The following EYA4 variants were observed in gnomAD, a reference collection of about 807,000 sequenced individuals.
EYA4 encodes the protein protein phosphatase EYA4.
In EYA4, 31 loss-of-function variants were observed where a neutral mutation model predicts 87.9. That is an observed-to-expected ratio of 0.35 (90% CI 0.27 to 0.48). The LOEUF (loss-of-function observed/expected upper bound fraction) is 0.48. Ranked by LOEUF, EYA4 falls within the 20% of genes least tolerant of loss-of-function variation. The pLI is 0.99. For missense variants in EYA4, 678 were observed against 761.4 expected (o/e 0.89, Z 1.29); for synonymous variants, 263 against 270.6 (o/e 0.97, Z 0.28).
At position 133,290,276 on chromosome 6, in the gene EYA4, G is replaced by A. The variant is rs564282330; in HGVS notation, c.33+15463G>A. 2.6e-5 allele frequency among the ~76,000 whole-genome samples: 4 copies of A among 152,230 alleles called. No homozygotes were observed. In the South Asian group the frequency reaches 8.3e-4, roughly 32 times the overall value. ...TGAGAGTTGGCAATTGTAACTGCTG[G>A]ACAGATTTGTTAGAAAAATACCTTA... is the stretch of plus-strand genomic sequence containing the variant. On this transcript the variant is annotated intron_variant, in intron 2 of 19. Transcript: ENST00000355286.
At chr6:133,283,982 T>C (rs2128285901) in intron 2 of EYA4, among the ~76,000 whole-genome samples, 1 of 152,308 alleles carries the variant, frequency 6.6e-6, no homozygotes. Context: ...GATAATGGCC[T>C]TCAGTTCCAT....
rs181196580 is a variant in EYA4, at chr6:133,351,581, G to A, written c.34-30811G>A. Among the ~76,000 whole-genome samples the A allele has an allele frequency of 3.7e-3, 559 of 151,840 alleles. 5 individuals are homozygous for A. The highest frequency in any genetic ancestry group is 0.013 in the African/African-American group (542 of 41,120). ...ACAGTCCAGAAAGCTACTGTAGACA[G>A]ACAGTTGTGATAATAGTGCTGACCT... On this transcript the variant is annotated intron_variant, in intron 2 of 19. Coordinates refer to ENST00000355286, the MANE Select transcript of EYA4 (RefSeq NM_004100.5).
At chr6:133,486,887 G>A (rs180918828) in intron 13 of EYA4, among the ~76,000 whole-genome samples, 2 of 152,326 alleles carry the variant, frequency 1.3e-5, no homozygotes, top group East Asian at 3.9e-4. Flanking sequence ...AATTGAATAA[G>A]TATCCACACA....
chr6:133,423,751 C>A (rs114760271), intron 3 of EYA4, among the ~76,000 whole-genome samples: 2,321 of 152,260 alleles, frequency 0.015, 66 homozygotes, highest in African/African-American at 0.051. Flanking sequence ...AGATAATTAA[C>A]TTATTCATCA....
intron 2 of EYA4, among the ~76,000 whole-genome samples, chr6:133,293,779 A>T (rs1778683758): frequency 6.6e-6 from 1 of 151,368 alleles, no homozygotes; most frequent in Non-Finnish European, 1.5e-5. Context: ...CTACAAAAAC[A>T]TACAAAAATT....
At chr6:133,361,010 C>A (rs75102308) in intron 2 of EYA4, among the ~76,000 whole-genome samples, 1,626 of 152,288 alleles carry the variant, frequency 0.011, 27 homozygotes, top group African/African-American at 0.037. Context: ...GGCAGTTCTC[C>A]ATGGGTCTCT....
rs753705589 is a variant in EYA4 at position 133,462,351 on chromosome 6, C to G, written c.454C>G (p.Leu152Val). ...GATATTTAGGCCCTATCCACACATT[C>G]TTTCTACACCAGCAGCTCAAACAAT... The part of the protein sequence containing the change: ...LYPSKPYPHI[L>V]STPAAQTMSA... Residue 152 changes from leucine to valine, a missense_variant, in exon 8 of 20, where the codon CTT becomes GTT. Leu to Val is a conservative substitution (Grantham distance 32, BLOSUM62 1). Coordinates refer to ENST00000355286, the MANE Select transcript of EYA4 (RefSeq NM_004100.5). The G allele has an allele frequency of 9.9e-6, 16 of 1,614,038 alleles. No individual in the cohort carries two copies. The Admixed American group carries it at 1.7e-4, about 17-fold the overall frequency.
rs1800861317 is a variant in EYA4 at position 133,529,199 on chromosome 6, A to C, written c.*394A>C. 8.7e-7 allele frequency: 1 copy of C among 1,149,730 alleles called. No individual in the cohort carries two copies. The highest frequency in any genetic ancestry group is 4.3e-5 in the Admixed American group (1 of 23,382). 71.2% of individuals were successfully genotyped at this position (1,149,730 alleles called of 1,614,324 possible). A position where few individuals can be genotyped will look rare whatever the true frequency, so the allele number is the denominator to read the frequency against. The stretch of plus-strand genomic sequence containing the variant: ...GAGATCTTCTCAGCCCTGAGGTTTG[A>C]ATCTGACTTTAGCCTACCTAACCCA... On this transcript the variant is annotated 3_prime_UTR_variant, in exon 20 of 20. Transcript: ENST00000355286.
chr6:133,490,841 C>T (rs1379628156), intron 13 of EYA4, among the ~76,000 whole-genome samples: 1 of 152,154 alleles, frequency 6.6e-6, no homozygotes, highest in Non-Finnish European at 1.5e-5. Flanking sequence ...TTAATCTGCA[C>T]AGGCTTAGAC....
chr6:133,494,318 G>T (rs1052302259), intron 13 of EYA4, among the ~76,000 whole-genome samples: 2 of 152,114 alleles, frequency 1.3e-5, no homozygotes, highest in African/African-American at 4.8e-5. Context: ...CAGGCACAAG[G>T]TGACAAACTT....
intron 13 of EYA4, among the ~76,000 whole-genome samples, chr6:133,491,024 G>A (rs1471137693): frequency 6.6e-6 from 1 of 152,058 alleles, no homozygotes; most frequent in Non-Finnish European, 1.5e-5. Flanking sequence ...TGACCACAAT[G>A]GAGTAAAATT....
intron 3 of EYA4, among the ~76,000 whole-genome samples, chr6:133,446,019 G>A (rs943237802): frequency 6.6e-6 from 1 of 152,184 alleles, no homozygotes; most frequent in African/African-American, 2.4e-5. Context: ...AAAACCAGCT[G>A]TCAGGACTTG....
At position 133,531,077 on chromosome 6, in the gene EYA4, G is replaced by A. The variant is rs1314065318; in HGVS notation, c.*2272G>A. 7.1e-7 allele frequency: 1 copy of A among 1,412,232 alleles called. No individual in the cohort carries two copies. The highest frequency in any genetic ancestry group is 9.2e-7 in the Non-Finnish European group (1 of 1,085,840). The allele number at this position is 1,412,232 out of a possible 1,614,324, so 87.5% of individuals were successfully genotyped here. On this transcript the variant is annotated 3_prime_UTR_variant, in exon 20 of 20. Coordinates refer to ENST00000355286, the MANE Select transcript of EYA4 (RefSeq NM_004100.5). ...TTGTAAGTCTTTTCATATCAAACAA[G>A]CAAGGCTTTTTATGCTGCTAAGTCT...
chr6:133,245,162 A>G (rs932643772), intron 1 of EYA4: 2 of 152,166 alleles, frequency 1.3e-5, no homozygotes, highest in African/African-American at 2.4e-5. Flanking sequence ...TTTATTCACC[A>G]TAGTTCTGTA....
At chr6:133,504,581 T>A (rs888681699) in intron 13 of EYA4, among the ~76,000 whole-genome samples, 1 of 152,208 alleles carries the variant, frequency 6.6e-6, no homozygotes, top group Non-Finnish European at 1.5e-5. Context: ...TCAATGCCTT[T>A]TTCTTAGCAT....
At chr6:133,334,541 G>A (rs1242033195) in intron 2 of EYA4, among the ~76,000 whole-genome samples, 2 of 152,092 alleles carry the variant, frequency 1.3e-5, no homozygotes, top group Non-Finnish European at 2.9e-5. Flanking sequence ...GTATTTTCCT[G>A]CTACCATGTG....
chr6:133,344,526 T>C (rs1783052468), intron 2 of EYA4, among the ~76,000 whole-genome samples: 1 of 152,198 alleles, frequency 6.6e-6, no homozygotes. Context: ...ATATTTGATA[T>C]GGTCCATTTA....
intron 13 of EYA4, among the ~76,000 whole-genome samples, chr6:133,489,451 A>G (rs1213308852): frequency 6.6e-6 from 1 of 152,150 alleles, no homozygotes; most frequent in African/African-American, 2.4e-5. Context: ...ATCTCAAAGC[A>G]TTTGATAATC....
chr6:133,428,471 A>C (rs1790872902), intron 3 of EYA4, among the ~76,000 whole-genome samples: 1 of 152,214 alleles, frequency 6.6e-6, no homozygotes, highest in African/African-American at 2.4e-5. Flanking sequence ...AACTACAAGT[A>C]ATAGAGAACC....
Sources: allele counts gnomAD v4.1 joint callset (sites outside exome capture counted in the v4.1 genomes callset), GRCh38; gene constraint gnomAD v4.1.1; transcripts MANE v1.5; gene names NCBI Gene and HGNC (gene_info 2026-07-23, HGNC 2026-07-21).